Variants in FAM9B observed in about 807,000 individuals in gnomAD.
FAM9B encodes the protein protein FAM9B.
In FAM9B, 18 loss-of-function variants were observed where a neutral mutation model predicts 16.6. That is an observed-to-expected ratio of 1.09 (90% confidence interval 0.75 to 1.61). FAM9B has a LOEUF of 1.61. Among genes scored for constraint, FAM9B ranks in the 40% most tolerant of loss-of-function variants. The pLI is 0.00. For synonymous variants in FAM9B, 43 were observed against 42.6 expected (o/e 1.01, Z -0.03); for missense variants, 155 against 136.0 (o/e 1.14, Z -0.70).
In FAM9B at chrX:9,027,867, C is replaced by T. The variant is rs1337517570; in HGVS notation, c.492+1G>A. The stretch of plus-strand genomic sequence containing the variant: ...GTATTATGTTACCAAATAGAACAGA[C>T]CTTTACGAATTGGTCACGTAGCAGC... On this transcript the variant is annotated splice_donor_variant, in intron 7 of 8. Coordinates refer to ENST00000327220, the MANE Select transcript of FAM9B (RefSeq NM_205849.3). LOFTEE classifies it high-confidence loss of function. The T allele has an allele frequency of 3.3e-6, 4 of 1,199,522 alleles. No individual in the cohort carries two copies. Among genetic ancestry groups the T allele is most frequent in the Non-Finnish European group, 4.5e-6 (4 of 885,881 alleles).
At chrX:9,032,598 A>G in intron 2 of FAM9B, 137 bp from the exon 3 acceptor site, 4 of 940,433 alleles carry the variant, frequency 4.3e-6, no homozygotes, top group Non-Finnish European at 5.8e-6. Context: ...AAGCAGAGCT[A>G]TACATGGAAT....
At chrX:9,032,725 G>T in intron 2 of FAM9B, 1 of 534,324 alleles carries the variant, frequency 1.9e-6, no homozygotes, top group Non-Finnish European at 3.0e-6. Context: ...CCATGGAGAA[G>T]AGCTGCTCTG....
At chrX:9,033,590 T>A (rs867716485) in intron 1 of FAM9B, among the ~76,000 whole-genome samples, 1 of 6,370 alleles carries the variant, frequency 1.6e-4, no homozygotes, top group Non-Finnish European at 2.9e-4. Context: ...TCTCCCCCCC[T>A]CGGCCCCTCC....
At chrX:9,030,446 G>A (rs1460660052) in intron 4 of FAM9B, 86 bp from the exon 5 acceptor site, 7 of 604,184 alleles carry the variant, frequency 1.2e-5, no homozygotes, top group Non-Finnish European at 1.7e-5. Flanking sequence ...ACATCAATAT[G>A]GGACTTTATG....
intron 2 of FAM9B, 138 bp from the exon 3 acceptor site, chrX:9,032,599 T>C (rs1357000779): frequency 2.5e-6 from 2 of 803,617 alleles, no homozygotes; most frequent in Non-Finnish European, 3.5e-6. Flanking sequence ...AGCAGAGCTA[T>C]ACATGGAATC....
In FAM9B at chrX:9,024,325, C is replaced by T. The variant is rs1207528654; in HGVS notation, c.*1084G>A. On this transcript the variant is annotated 3_prime_UTR_variant, in exon 9 of 9. Coordinates refer to ENST00000327220, the MANE Select transcript of FAM9B (RefSeq NM_205849.3). ...AAGCACTCTACAAAATTTACCTTGC[C>T]ACAGATGTGAAATAATTGTAAGCAT... 9.0e-6 allele frequency: 1 copy of T among 111,434 alleles called. No homozygotes were observed. Among genetic ancestry groups the T allele is most frequent in the Non-Finnish European group, 1.9e-5 (1 of 53,083 alleles). The allele number at this position is 111,434 out of a possible 1,213,427, so 9.2% of individuals were successfully genotyped here.
At chrX:9,026,735 G>C (rs754631521) in intron 7 of FAM9B, among the ~76,000 whole-genome samples, 1 of 111,022 alleles carries the variant, frequency 9.0e-6, no homozygotes, top group South Asian at 3.8e-4. Context: ...AAGAGTCCAA[G>C]ATGATAGCAA....
intron 7 of FAM9B, among the ~76,000 whole-genome samples, chrX:9,027,184 T>G (rs1318693285): frequency 4.5e-5 from 5 of 112,186 alleles, no homozygotes; most frequent in Non-Finnish European, 9.4e-5. Context: ...CTGTTATACA[T>G]CTGAACCATC....
chrX:9,033,443 A>T, intron 1 of FAM9B: 2 of 821,773 alleles, frequency 2.4e-6, no homozygotes, highest in South Asian at 1.0e-4. Flanking sequence ...CAGGGGCTGC[A>T]CTGCCACTCG....
At position 9,029,416 on chromosome X, in the gene FAM9B, T is replaced by C. The variant is rs750523826; in HGVS notation, c.284A>G (p.Gln95Arg). Residue 95 changes from glutamine (Q) to arginine (R), a missense_variant and splice_region_variant, in exon 6 of 9, where the codon CAG becomes CGG. Physicochemically the swap from Gln to Arg is conservative, Grantham distance 43. Coordinates refer to ENST00000327220, the MANE Select transcript of FAM9B (RefSeq NM_205849.3). ...HALRKKQLKR[Q>R]KRDYIHSLKL... ...CAGAGAATGTATATAATCACGTTTC[T>C]GCCTGTAACACATAATAAGTAACAC... 6.0e-6 allele frequency: 7 copies of C among 1,165,601 alleles called. No homozygotes were observed. Among genetic ancestry groups the C allele is most frequent in the Non-Finnish European group, 8.2e-6 (7 of 853,900 alleles).
chrX:9,026,081 A>C lies in FAM9B; in HGVS notation c.493-498T>G, dbSNP rs748078933. 1.9e-4 allele frequency among the ~76,000 whole-genome samples: 21 copies of C among 111,638 alleles called. No homozygotes were observed. The South Asian group carries it at 6.4e-3, about 34-fold the overall frequency. Reference sequence around the variant, plus strand: ...TAGTTCAACAGTTCCTACTCCCTAAAATGTTGTAGGTTAATGCTGAGGAAG... The same window carrying C: ...TAGTTCAACAGTTCCTACTCCCTAACATGTTGTAGGTTAATGCTGAGGAAG... On this transcript the variant is annotated intron_variant, in intron 7 of 8. Transcript: ENST00000327220.
chrX:9,032,178 A>T lies in FAM9B; in HGVS notation c.150-17T>A. 1 of 1,203,552 alleles carries T rather than the reference A, an allele frequency of 8.3e-7. No individual in the cohort carries two copies. The highest frequency in any genetic ancestry group is 1.1e-6 in the Non-Finnish European group (1 of 892,056). ...GTATTAGCCCTGTAAAAAAAGTTAC[A>T]TCAAAATTTTAACAAAATACTACAC... is the stretch of plus-strand genomic sequence containing the variant. On this transcript the variant is annotated splice_polypyrimidine_tract_variant and intron_variant, in intron 3 of 8. Transcript: ENST00000327220.
In FAM9B at chrX:9,025,522, T is replaced by G; in HGVS notation, c.554A>C (p.Asp185Ala). Residue 185 changes from aspartate (D) to alanine (A), a missense_variant, in exon 8 of 9, where the codon GAT (aspartate) becomes GCT (alanine). Asp to Ala is a moderately radical substitution (Grantham distance 126). Coordinates refer to ENST00000327220, the MANE Select transcript of FAM9B (RefSeq NM_205849.3). The stretch of plus-strand genomic sequence containing the variant: ...TTTTATTTAAAAACATGTCTAGTTA[T>G]CAAGTTCACTGTCTTCATCGGAAAA... The part of the protein sequence containing the change: ...RVFSDEDSEL[D>A]N 1 of 1,203,301 alleles carries G rather than the reference T, an allele frequency of 8.3e-7. No homozygotes were observed. Among genetic ancestry groups the G allele is most frequent in the Non-Finnish European group, 1.1e-6 (1 of 889,773 alleles).
chrX:9,032,321 A>C lies in FAM9B; in HGVS notation c.149+20T>G, dbSNP rs1921100173. 1.7e-6 allele frequency: 2 copies of C among 1,208,143 alleles called. No homozygotes were observed. The highest frequency in any genetic ancestry group is 1.1e-6 in the Non-Finnish European group (1 of 894,739). ...CTAAAAGACCCTATCCGACAGGCAA[A>C]AGTGACTTAAACACTTTACCCCGTG... is the stretch of plus-strand genomic sequence containing the variant. On this transcript the variant is annotated intron_variant, in intron 3 of 8. Transcript: ENST00000327220.
chrX:9,032,892 G>A lies in FAM9B; in HGVS notation c.28+67C>T, dbSNP rs1465410200. On this transcript the variant is annotated intron_variant, in intron 2 of 8. Transcript: ENST00000327220. ...CTCGGGCTGCCCCTGTGCCCCCAGCGCAGAAAGCAGACAGACCGTCCTCTT... is the reference window on the plus strand; with the variant it reads ...CTCGGGCTGCCCCTGTGCCCCCAGCACAGAAAGCAGACAGACCGTCCTCTT... 15 of 1,178,378 alleles carry A rather than the reference G, an allele frequency of 1.3e-5. No homozygotes were observed. In the African/African-American group the frequency reaches 1.4e-4, roughly 11 times the overall value.
Position 9,025,482 on chromosome X carries a change from A to C in FAM9B, c.*31+2T>G, listed in dbSNP as rs751821791. On this transcript the variant is annotated splice_donor_variant, in intron 8 of 8. Transcript: ENST00000327220. LOFTEE classifies it low-confidence loss of function (3UTR_SPLICE). ...TTTTAATATTAAATATGCACTACTT[A>C]CAGTTCTGACATGATTTTATTTAAA... 10 of 1,090,900 alleles carry C rather than the reference A, an allele frequency of 9.2e-6. No homozygotes were observed. In the African/African-American group the frequency reaches 1.3e-4, roughly 14 times the overall value. 89.9% of individuals were successfully genotyped at this position (1,090,900 alleles called of 1,213,427 possible).
chrX:9,034,011 G>T lies in FAM9B; in HGVS notation c.-249C>A. 2.3e-6 allele frequency: 1 copy of T among 443,918 alleles called. No individual in the cohort carries two copies. The highest frequency in any genetic ancestry group is 2.8e-6 in the Non-Finnish European group (1 of 355,585). The allele number at this position is 443,918 out of a possible 1,213,427, so 36.6% of individuals were successfully genotyped here. A position where few individuals can be genotyped will look rare whatever the true frequency, so the allele number is the denominator to read the frequency against. On this transcript the variant is annotated 5_prime_UTR_variant, in exon 1 of 9. In the 5' UTR this introduces an upstream ATG that the reference lacks. Transcript: ENST00000327220. ...GCCCAGATCACACCACTGCACTGCA[G>T]CCTAGGCAGCAAGAGCCAGACTCCG...
intron 4 of FAM9B, 115 bp downstream of exon 4, chrX:9,032,015 A>G (rs1181982002): frequency 4.9e-6 from 3 of 613,483 alleles, no homozygotes; most frequent in African/African-American, 2.3e-5. Flanking sequence ...GTTAAATGCT[A>G]CATATGAGAA....
At chrX:9,029,196 C>G (rs1056571899) in intron 6 of FAM9B, 111 bp downstream of exon 6, 1 of 608,493 alleles carries the variant, frequency 1.6e-6, no homozygotes, top group Admixed American at 3.0e-5. Flanking sequence ...CTAACGGGCC[C>G]CCCTCTCTGG....
Sources: gnomAD v4.1 joint callset for allele counts (sites outside exome capture counted in the v4.1 genomes callset) on GRCh38, gnomAD v4.1.1 for gene constraint, MANE v1.5 for transcripts, NCBI Gene and HGNC (gene_info 2026-07-23, HGNC 2026-07-21) for gene names.